ERC1: variants seen among roughly 807,000 people sequenced by gnomAD.
ERC1 encodes ELKS/RAB6-interacting/CAST family member 1.
Under a neutral mutation model 132.0 loss-of-function variants are expected in ERC1, and 56 were observed. That is an observed-to-expected ratio of 0.42 (90% CI 0.34 to 0.53). The LOEUF is 0.53. Among genes scored for constraint, ERC1 ranks in the 20% least tolerant of loss-of-function variants. The pLI is 0.03. For synonymous variants in ERC1, 478 were observed against 476.1 expected (o/e 1.00, Z -0.05); for missense variants, 1,202 against 1,349.9 (o/e 0.89, Z 1.72).
At chr12:995,321 A>C (rs1960610969) in intron 1 of ERC1, among the ~76,000 whole-genome samples, 1 of 152,194 alleles carries the variant, frequency 6.6e-6, no homozygotes, top group African/African-American at 2.4e-5. Context: ...GTATTGTTCC[A>C]GGTGAGGGTA....
At chr12:1,032,701 G>C (rs1027408671) in intron 2 of ERC1, among the ~76,000 whole-genome samples, 7 of 152,216 alleles carry the variant, frequency 4.6e-5, no homozygotes, top group Non-Finnish European at 1.0e-4. Flanking sequence ...CAGCAGAGCA[G>C]AGAAGTACAT....
rs2090967822 is a variant in ERC1 at position 1,400,908 on chromosome 12, A to ATTTTT, written c.2926-7240_2926-7236dup. 8.1e-4 allele frequency among the ~76,000 whole-genome samples: 35 copies of ATTTTT among 43,406 alleles called. 4 individuals carry two copies. The highest frequency in any genetic ancestry group is 1.6e-3 in the Non-Finnish European group (28 of 17,694). The allele number at this position is 43,406 out of a possible 152,430, so 28.5% of individuals were successfully genotyped here. On this transcript the variant is annotated intron_variant, in intron 16 of 18. Transcript: ENST00000360905. ...CTTCTCATTCAATATTGTTTTGGCT[A>ATTTTT]TTTTTGTATTTTTTTTTTTTTTTTT... is the stretch of plus-strand genomic sequence containing the variant.
At chr12:1,192,859 T>C (rs187394507) in intron 12 of ERC1, among the ~76,000 whole-genome samples, 2 of 152,370 alleles carry the variant, frequency 1.3e-5, no homozygotes, top group East Asian at 1.9e-4. Flanking sequence ...CTTTTTGATA[T>C]AATCAGTCTG....
intron 2 of ERC1, among the ~76,000 whole-genome samples, chr12:1,057,483 CAG>C (rs1190103426): frequency 1.3e-5 from 2 of 151,074 alleles, no homozygotes; most frequent in South Asian, 2.1e-4. Context: ...AAAAATAGAA[CAG>C]GGGCTGGCCT....
In ERC1 at chr12:1,238,965, C is replaced by G. The variant is rs551681417; in HGVS notation, c.2487+2061C>G. 1.6e-3 allele frequency among the ~76,000 whole-genome samples: 249 copies of G among 152,232 alleles called. 1 individual carries two copies. The highest frequency in any genetic ancestry group is 6.8e-3 in the Middle Eastern group (2 of 294). On this transcript the variant is annotated intron_variant, in intron 13 of 18. Coordinates refer to ENST00000360905, the MANE Select transcript of ERC1 (RefSeq NM_178040.4). ...GATACCAAAGTTATGAAAAAGATAG[C>G]TGATGGCCATGTGCAAATTACACAG...
chr12:1,156,804 A>T (rs990977049), intron 8 of ERC1, among the ~76,000 whole-genome samples: 6 of 151,766 alleles, frequency 4.0e-5, no homozygotes, highest in African/African-American at 1.2e-4. Context: ...GCATTTTTTC[A>T]TAGGTTTTTG....
intron 17 of ERC1, among the ~76,000 whole-genome samples, chr12:1,419,295 T>C (rs1028208003): frequency 6.6e-6 from 1 of 152,106 alleles, no homozygotes; most frequent in Non-Finnish European, 1.5e-5. Context: ...GTGTTGACCT[T>C]AATCTTTCTG....
chr12:1,144,412 T>G (rs1294629286), intron 8 of ERC1, among the ~76,000 whole-genome samples: 1 of 151,930 alleles, frequency 6.6e-6, no homozygotes. Context: ...CATTCCCACT[T>G]CCCCTTGACT....
At chr12:1,332,485 T>G (rs73036673) in intron 15 of ERC1, among the ~76,000 whole-genome samples, 34 of 152,242 alleles carry the variant, frequency 2.2e-4, no homozygotes, top group African/African-American at 8.0e-4. Flanking sequence ...ACTAGATTGA[T>G]TGTGGCACAT....
At chr12:1,153,031 T>C (rs1950977455) in intron 8 of ERC1, 1 of 152,282 alleles carries the variant, frequency 6.6e-6, no homozygotes, top group Admixed American at 6.5e-5. Flanking sequence ...TCCTGGAGGA[T>C]GTCTTCCATT....
Position 1,407,367 on chromosome 12 carries a change from T to C in ERC1, c.2926-782T>C, listed in dbSNP as rs991532678. ...AATTGTAATAGTTGTTCAATTGATT[T>C]TTTTATTGAGACCCTGTCTCTACAA... On this transcript the variant is annotated intron_variant, in intron 16 of 18. Transcript: ENST00000360905. Among the ~76,000 whole-genome samples the C allele has an allele frequency of 5.9e-5, 9 of 152,030 alleles. 1 individual carries two copies. Among genetic ancestry groups the C allele is most frequent in the African/African-American group, 2.2e-4 (9 of 41,372 alleles).
intron 2 of ERC1, among the ~76,000 whole-genome samples, chr12:1,052,796 C>G (rs960717986): frequency 2.0e-5 from 3 of 151,996 alleles, no homozygotes; most frequent in Non-Finnish European, 4.4e-5. Flanking sequence ...ATGGTGAAAC[C>G]CCGTCTCCAC....
At chr12:1,049,416 C>G (rs1330525791) in intron 2 of ERC1, among the ~76,000 whole-genome samples, 1 of 152,124 alleles carries the variant, frequency 6.6e-6, no homozygotes, top group Admixed American at 6.5e-5. Flanking sequence ...ACAAACAAAC[C>G]AAAACCTGAT....
chr12:1,278,176 C>A (rs1388073806), intron 14 of ERC1, among the ~76,000 whole-genome samples: 1 of 152,240 alleles, frequency 6.6e-6, no homozygotes, highest in Non-Finnish European at 1.5e-5. Context: ...AGGGCTGCCA[C>A]TTCAAAGAGA....
rs1208009765 is a variant in ERC1, at chr12:1,100,286, C to T, written c.1087-4464C>T. Among the ~76,000 whole-genome samples, 7 of 151,986 alleles carry T rather than the reference C, an allele frequency of 4.6e-5. No homozygotes were observed. In the East Asian group the frequency reaches 7.7e-4, roughly 17 times the overall value. On this transcript the variant is annotated intron_variant, in intron 3 of 18. Coordinates refer to ENST00000360905, the MANE Select transcript of ERC1 (RefSeq NM_178040.4). ...GCAAAGAGGTGAGTCTGGCTGGAGC[C>T]GACTGGATGAGAGAGAGGAGTATAA... is the stretch of plus-strand genomic sequence containing the variant.
intron 17 of ERC1, among the ~76,000 whole-genome samples, chr12:1,421,342 G>T (rs1349605024): frequency 6.6e-6 from 1 of 152,172 alleles, no homozygotes; most frequent in Non-Finnish European, 1.5e-5. Flanking sequence ...GCTGATCAGA[G>T]GACGAGAGAT....
intron 11 of ERC1, among the ~76,000 whole-genome samples, chr12:1,187,109 G>A (rs1955185486): frequency 1.3e-5 from 2 of 152,176 alleles, no homozygotes; most frequent in Non-Finnish European, 2.9e-5. Flanking sequence ...GGGGTGACAG[G>A]CGTGAGCCAG....
chr12:1,375,466 T>C (rs1273426249), intron 16 of ERC1, among the ~76,000 whole-genome samples: 1 of 152,194 alleles, frequency 6.6e-6, no homozygotes, highest in Non-Finnish European at 1.5e-5. Flanking sequence ...CGTATCACGT[T>C]CTGTAGAAGG....
intron 3 of ERC1, among the ~76,000 whole-genome samples, chr12:1,092,457 A>G (rs1170610052): frequency 6.6e-6 from 1 of 152,098 alleles, no homozygotes; most frequent in Non-Finnish European, 1.5e-5. Flanking sequence ...ATGTCCATTC[A>G]TTTTGTCATC....
Sources: allele counts gnomAD v4.1 joint callset (sites outside exome capture counted in the v4.1 genomes callset), GRCh38; gene constraint gnomAD v4.1.1; transcripts MANE v1.5; gene names NCBI Gene and HGNC (gene_info 2026-07-23, HGNC 2026-07-21).